MDN1: variants seen among roughly 807,000 people sequenced by gnomAD.
MDN1 encodes the protein midasin.
A neutral mutation model predicts 669.2 loss-of-function variants in MDN1; 266 were observed. The ratio of observed to expected loss-of-function variants is 0.40; its 90% confidence interval spans 0.36 to 0.44. The LOEUF (loss-of-function observed/expected upper bound fraction) is 0.44. Ranked by LOEUF, MDN1 falls within the 20% of genes least tolerant of loss-of-function variation. The pLI, the probability that MDN1 is intolerant of heterozygous loss-of-function variation, is 1.00. For synonymous variants in MDN1, 2,385 were observed against 2,457.1 expected, an observed-to-expected ratio of 0.97 and a Z score of 0.87; for missense variants, 5,940 against 6,754.0, an observed-to-expected ratio of 0.88 and a Z score of 4.22.
chr6:89,813,276 G>A lies in MDN1; in HGVS notation c.102+6230C>T, dbSNP rs576223252. ...AGAAATTAGCCAGGCAAGGCTGGGC[G>A]CCGTGGCTCATGCCTGTAATCCCAG... On this transcript the variant is annotated intron_variant, in intron 1 of 101. Transcript: ENST00000369393. Among the ~76,000 whole-genome samples the A allele has an allele frequency of 1.2e-3, 186 of 152,210 alleles. 1 individual carries two copies. The highest frequency in any genetic ancestry group is 2.1e-3 in the Non-Finnish European group (145 of 68,006).
intron 2 of MDN1, 102 bp downstream of exon 2, chr6:89,803,226 G>A (rs2128329183): frequency 3.1e-6 from 3 of 958,570 alleles, no homozygotes; most frequent in Non-Finnish European, 5.0e-6. Flanking sequence ...TCTCCTTTCT[G>A]TATTTCCGTT....
intron 15 of MDN1, among the ~76,000 whole-genome samples, chr6:89,769,945 G>T (rs910678945): frequency 2.6e-5 from 4 of 152,042 alleles, no homozygotes; most frequent in African/African-American, 9.7e-5. Context: ...AGAATAGAGA[G>T]AAATAGACCA....
At chr6:89,660,375 G>C (rs1809646669) in intron 88 of MDN1, among the ~76,000 whole-genome samples, 1 of 152,006 alleles carries the variant, frequency 6.6e-6, no homozygotes, top group Non-Finnish European at 1.5e-5. Context: ...GGTAGAGACA[G>C]GGTCTCACTA....
rs1208400553 is a variant in MDN1, at chr6:89,661,472, T to C, written c.14672A>G (p.Asp4891Gly). 6.2e-7 allele frequency: 1 copy of C among 1,614,148 alleles called. No individual in the cohort carries two copies. The highest frequency in any genetic ancestry group is 1.1e-5 in the South Asian group (1 of 91,076). The change falls in exon 88 of 102, where the codon GAC becomes GGC. Residue 4891 changes from aspartate to glycine, a missense_variant. This residue lies in a region of MDN1 where 2,280 missense variants were observed against 2,576.3 expected (regional missense o/e 0.88). Transcript: ENST00000369393. ...GTCGGTGTCCTCACCACCATTCTTG[T>C]CTTCACTGTCGAGGTTCAAGTCATC... The part of the protein sequence containing the change: ...LPDDLNLDSE[D>G]KNGGEDTDNE...
chr6:89,643,818 G>A lies in MDN1; in HGVS notation c.*187C>T. The A allele has an allele frequency of 2.0e-6, 1 of 489,330 alleles. No homozygotes were observed. Among genetic ancestry groups the A allele is most frequent in the East Asian group, 3.3e-5 (1 of 30,506 alleles). 30.3% of individuals were successfully genotyped at this position (489,330 alleles called of 1,614,324 possible). A position where few individuals can be genotyped will look rare whatever the true frequency, so the allele number is the denominator to read the frequency against. ...TTCAGGCACCTGCTGCTGCTTCCAG[G>A]TTTGGTATAAAAACCTCAGCCCAGG... On this transcript the variant is annotated 3_prime_UTR_variant, in exon 102 of 102. Transcript: ENST00000369393.
At chr6:89,804,686 A>C (rs1450898792) in intron 1 of MDN1, among the ~76,000 whole-genome samples, 1 of 152,172 alleles carries the variant, frequency 6.6e-6, no homozygotes, top group Non-Finnish European at 1.5e-5. Flanking sequence ...AAATAAACAA[A>C]AAACAGATCC....
intron 37 of MDN1, among the ~76,000 whole-genome samples, chr6:89,726,035 A>G (rs921021954): frequency 2.0e-5 from 3 of 152,170 alleles, no homozygotes; most frequent in Non-Finnish European, 4.4e-5. Flanking sequence ...TTTTAAAGTT[A>G]AGAATCTTCT....
At chr6:89,810,175 C>T (rs542959440) in intron 1 of MDN1, among the ~76,000 whole-genome samples, 6 of 151,998 alleles carry the variant, frequency 3.9e-5, no homozygotes, top group Non-Finnish European at 7.4e-5. Context: ...GTGGCTCACG[C>T]CTGTAATCCC....
At chr6:89,774,246 A>G (rs1472029634) in intron 13 of MDN1, among the ~76,000 whole-genome samples, 2 of 152,218 alleles carry the variant, frequency 1.3e-5, no homozygotes, top group Non-Finnish European at 2.9e-5. Flanking sequence ...AAAGTCAGAC[A>G]TGTAATAAGT....
intron 5 of MDN1, among the ~76,000 whole-genome samples, chr6:89,791,457 T>C (rs746473363): frequency 9.2e-5 from 14 of 152,142 alleles, no homozygotes; most frequent in Non-Finnish European, 2.1e-4. Context: ...TGATGCCTGG[T>C]ATTTGCTTCT....
chr6:89,790,811 A>T lies in MDN1; in HGVS notation c.856-410T>A, dbSNP rs142825391. Among the ~76,000 whole-genome samples, 13 of 152,344 alleles carry T rather than the reference A, an allele frequency of 8.5e-5. No homozygotes were observed. The East Asian group carries it at 2.3e-3, about 27-fold the overall frequency. ...CAAGGCAGGTGGATCACCTGAAGTCAGGAGTTCGAGACCAGCCTGGCCAAC... is the reference window on the plus strand; with the variant it reads ...CAAGGCAGGTGGATCACCTGAAGTCTGGAGTTCGAGACCAGCCTGGCCAAC... On this transcript the variant is annotated intron_variant, in intron 5 of 101. Transcript: ENST00000369393.
chr6:89,749,522 A>G, intron 25 of MDN1, 21 bp downstream of exon 25: 1 of 1,611,890 alleles, frequency 6.2e-7, no homozygotes, highest in Non-Finnish European at 8.5e-7. Context: ...AAATTGAAGG[A>G]AGGAGACAAA....
chr6:89,745,695 G>A, intron 27 of MDN1, 69 bp from the exon 28 acceptor site: 1 of 1,479,146 alleles, frequency 6.8e-7, no homozygotes, highest in Non-Finnish European at 9.3e-7. Context: ...AAGGGATATG[G>A]AGAATATGAA....
At chr6:89,743,736 T>G in intron 29 of MDN1, 22 bp from the exon 30 acceptor site, 1 of 1,608,918 alleles carries the variant, frequency 6.2e-7, no homozygotes, top group Non-Finnish European at 8.5e-7. Context: ...GTGCAACTGA[T>G]TAACAAGGCA....
intron 84 of MDN1, among the ~76,000 whole-genome samples, chr6:89,666,003 T>C (rs1810186172): frequency 6.6e-6 from 1 of 152,224 alleles, no homozygotes; most frequent in East Asian, 1.9e-4. Context: ...ACTATGCCAC[T>C]GCACTCCAGC....
At chr6:89,653,708 T>C (rs982075619) in intron 93 of MDN1, among the ~76,000 whole-genome samples, 3 of 152,242 alleles carry the variant, frequency 2.0e-5, no homozygotes, top group Non-Finnish European at 4.4e-5. Flanking sequence ...CTGATGAAGC[T>C]ATTTTTTTTG....
intron 19 of MDN1, among the ~76,000 whole-genome samples, chr6:89,756,799 T>C (rs184703379): frequency 2.0e-5 from 3 of 152,016 alleles, no homozygotes; most frequent in Non-Finnish European, 4.4e-5. Context: ...CGGGTGCCTG[T>C]AGTCCCAGCT....
At chr6:89,668,229 A>G in intron 83 of MDN1, 78 bp from the exon 84 acceptor site, 2 of 1,518,818 alleles carry the variant, frequency 1.3e-6, no homozygotes, top group Non-Finnish European at 1.8e-6. Flanking sequence ...TGCCACAGGA[A>G]AACAATTTAA....
chr6:89,771,144 G>T (rs1818060185), intron 15 of MDN1, among the ~76,000 whole-genome samples: 1 of 152,120 alleles, frequency 6.6e-6, no homozygotes, highest in South Asian at 2.1e-4. Context: ...TCTTACTCAA[G>T]GGAGTTTACC....
Sources: allele counts gnomAD v4.1 joint callset (sites outside exome capture counted in the v4.1 genomes callset), GRCh38; gene constraint gnomAD v4.1.1; regional missense constraint gnomAD v4.1.1; transcripts MANE v1.5; gene names NCBI Gene and HGNC (gene_info 2026-07-23, HGNC 2026-07-21).